Variants in ADGRL4 observed in about 807,000 individuals in gnomAD.
ADGRL4 encodes the protein EGF, latrophilin and seven transmembrane domain containing 1.
ADGRL4 carries 90 observed loss-of-function variants against 74.8 expected under a neutral mutation model. The observed-to-expected ratio is 1.20, with a 90% CI of 1.02 to 1.43. ADGRL4 has a LOEUF of 1.43. ADGRL4 is among the 40% of genes most tolerant of loss of function. The pLI is 0.00. For synonymous variants in ADGRL4, 311 were observed against 279.2 expected (o/e 1.11, Z -1.14); for missense variants, 881 against 814.3 (o/e 1.08, Z -1.00).
At chr1:78,988,641 C>G (rs141454545) in intron 2 of ADGRL4, among the ~76,000 whole-genome samples, 70 of 151,886 alleles carry the variant, frequency 4.6e-4, no homozygotes, top group Non-Finnish European at 8.3e-4. Context: ...TTCCAGTCAT[C>G]CCTCTCAACC....
intron 1 of ADGRL4, among the ~76,000 whole-genome samples, chr1:79,006,399 G>T (rs1224944662): frequency 6.6e-6 from 1 of 152,188 alleles, no homozygotes; most frequent in East Asian, 1.9e-4. Context: ...GAAAGGGGAT[G>T]CTGGACACTT....
At chr1:78,957,213 A>G (rs1649854539) in intron 2 of ADGRL4, among the ~76,000 whole-genome samples, 1 of 152,142 alleles carries the variant, frequency 6.6e-6, no homozygotes, top group African/African-American at 2.4e-5. Flanking sequence ...CAATAATACT[A>G]AAATTAGGCC....
intron 3 of ADGRL4, among the ~76,000 whole-genome samples, chr1:78,944,145 G>T (rs962374586): frequency 8.5e-5 from 13 of 152,242 alleles, no homozygotes; most frequent in Admixed American, 2.0e-4. Context: ...AACATGAACC[G>T]AGAAATGTAG....
At chr1:78,971,010 C>G (rs115025938) in intron 2 of ADGRL4, among the ~76,000 whole-genome samples, 2,406 of 152,248 alleles carry the variant, frequency 0.016, 78 homozygotes, top group African/African-American at 0.055. Flanking sequence ...CATCCTTACC[C>G]CTCCCCTTGT....
chr1:78,894,985 T>C (rs1253506821), intron 12 of ADGRL4, among the ~76,000 whole-genome samples: 2 of 152,094 alleles, frequency 1.3e-5, no homozygotes, highest in East Asian at 3.9e-4. Context: ...CTACATCACA[T>C]GCTGAACTAG....
At chr1:78,953,498 G>A (rs976084470) in intron 2 of ADGRL4, among the ~76,000 whole-genome samples, 2 of 152,122 alleles carry the variant, frequency 1.3e-5, no homozygotes, top group Non-Finnish European at 2.9e-5. Context: ...AGACAATAGA[G>A]TAACACGTTA....
intron 2 of ADGRL4, among the ~76,000 whole-genome samples, chr1:78,976,287 G>A (rs1338262642): frequency 2.6e-5 from 4 of 151,950 alleles, no homozygotes; most frequent in Admixed American, 1.3e-4. Flanking sequence ...GCATAATAGT[G>A]AGCAATATCT....
rs192624287 is a variant in ADGRL4, at chr1:78,920,287, T to C, written c.1357A>G (p.Ser453Gly). The C allele has an allele frequency of 1.7e-4, 273 of 1,611,776 alleles. No homozygotes were observed. The highest frequency in any genetic ancestry group is 2.2e-4 in the Non-Finnish European group (254 of 1,178,602). Residue 453 changes from serine (S) to glycine (G), a missense_variant, in exon 10 of 15, where the codon AGT becomes GGT. Ser to Gly is a moderately conservative substitution (Grantham distance 56). Transcript: ENST00000370742. ...GTTGTCCTGGTGCTTTGAATTTCAC[T>C]GAAGAACCAGAAGGTAAAAATGCAT... ...AICIFTFWFF[S>G]EIQSTRTTIH...
At chr1:78,960,013 T>C (rs930731177) in intron 2 of ADGRL4, among the ~76,000 whole-genome samples, 7 of 152,170 alleles carry the variant, frequency 4.6e-5, no homozygotes, top group Non-Finnish European at 8.8e-5. Flanking sequence ...CAAAATAACA[T>C]TTTGAAGAAT....
chr1:78,941,096 C>T (rs1570243596), intron 3 of ADGRL4, among the ~76,000 whole-genome samples: 1 of 152,158 alleles, frequency 6.6e-6, no homozygotes, highest in South Asian at 2.1e-4. Flanking sequence ...GCACCCTCAC[C>T]CCTCATCCTC....
intron 2 of ADGRL4, among the ~76,000 whole-genome samples, chr1:79,001,448 AAAAC>A (rs1650843072): frequency 6.6e-6 from 1 of 152,064 alleles, no homozygotes; most frequent in African/African-American, 2.4e-5. Flanking sequence ...GAAAGAAAGA[AAAAC>A]AAAATATTTA....
rs1649699155 is a variant in ADGRL4, at chr1:78,950,402, A to T, written c.173-3976T>A. Reference sequence around the variant, plus strand: ...GAAACCGAGAAAACGCTTGCCAAGAATTTGGAATTATATCCAGTGGGTAAA... The same window carrying T: ...GAAACCGAGAAAACGCTTGCCAAGATTTTGGAATTATATCCAGTGGGTAAA... On this transcript the variant is annotated intron_variant, in intron 2 of 14. Coordinates refer to ENST00000370742, the MANE Select transcript of ADGRL4 (RefSeq NM_022159.4). Among the ~76,000 whole-genome samples the T allele has an allele frequency of 2.0e-5, 3 of 152,128 alleles. No individual in the cohort carries two copies. The South Asian group carries it at 6.2e-4, about 32-fold the overall frequency.
chr1:78,923,446 A>C (rs1649043017), intron 8 of ADGRL4, among the ~76,000 whole-genome samples: 1 of 152,032 alleles, frequency 6.6e-6, no homozygotes, highest in African/African-American at 2.4e-5. Context: ...CTGCCTGATG[A>C]AAACTCTAGT....
chr1:78,998,362 CTTTTTTT>C lies in ADGRL4; in HGVS notation c.172+6701_172+6707del, dbSNP rs71078519. On this transcript the variant is annotated intron_variant, in intron 2 of 14. Coordinates refer to ENST00000370742, the MANE Select transcript of ADGRL4 (RefSeq NM_022159.4). ...CAAGATATTAAAACTTCCACTGATTCTTTTTTTTTTTTTTTTTTTTTTTTTTGAGACA... is the reference window on the plus strand; with the variant it reads ...CAAGATATTAAAACTTCCACTGATTCTTTTTTTTTTTTTTTTTTTGAGACA... Among the ~76,000 whole-genome samples, 10 of 65,048 alleles carry C rather than the reference CTTTTTTT, an allele frequency of 1.5e-4. 1 individual carries two copies. The highest frequency in any genetic ancestry group is 1.0e-3 in the Admixed American group (4 of 3,946). 42.7% of individuals were successfully genotyped at this position (65,048 alleles called of 152,430 possible).
At chr1:78,995,567 G>T (rs895425463) in intron 2 of ADGRL4, among the ~76,000 whole-genome samples, 9 of 152,184 alleles carry the variant, frequency 5.9e-5, no homozygotes, top group Admixed American at 1.3e-4. Context: ...TAATAAAGTG[G>T]AAAGGGCACT....
chr1:78,981,497 G>C (rs374629475), intron 2 of ADGRL4, among the ~76,000 whole-genome samples: 4 of 151,910 alleles, frequency 2.6e-5, no homozygotes, highest in African/African-American at 7.2e-5. Flanking sequence ...CTACCTCATA[G>C]GGTTGATGAA....
rs142511347 is a variant in ADGRL4 at position 78,917,044 on chromosome 1, T to C, written c.1749+590A>G. On this transcript the variant is annotated intron_variant, in intron 12 of 14. Coordinates refer to ENST00000370742, the MANE Select transcript of ADGRL4 (RefSeq NM_022159.4). ...ATGCTGAAATAGGACTATCTCAATA[T>C]ATGACTTGTCTGTTCATGAGAAATA... is the stretch of plus-strand genomic sequence containing the variant. 3.0e-3 allele frequency among the ~76,000 whole-genome samples: 459 copies of C among 151,996 alleles called. 4 individuals carry two copies. The highest frequency in any genetic ancestry group is 0.011 in the African/African-American group (443 of 41,534).
chr1:78,893,189 C>T lies in ADGRL4; in HGVS notation c.1750G>A (p.Val584Ile). Residue 584 changes from valine to isoleucine, a missense_variant and splice_region_variant, in exon 13 of 15, where the codon GTT (valine) becomes ATT (isoleucine). Coordinates refer to ENST00000370742, the MANE Select transcript of ADGRL4 (RefSeq NM_022159.4). ...ATGACTCCAAAAGCCAAGAGATTAA[C>T]CTGGAAAAAGAATTAATTTCAAAGA... ...FIGPACLIILVNLLAFGVIIY... is the reference protein window; with the variant it reads ...FIGPACLIILINLLAFGVIIY... The T allele has an allele frequency of 6.3e-7, 1 of 1,582,322 alleles. No homozygotes were observed. The highest frequency in any genetic ancestry group is 8.6e-7 in the Non-Finnish European group (1 of 1,160,638).
intron 12 of ADGRL4, among the ~76,000 whole-genome samples, chr1:78,895,173 CAT>C (rs567685333): frequency 6.9e-4 from 105 of 152,072 alleles, no homozygotes; most frequent in Admixed American, 1.1e-3. Flanking sequence ...CAGATTAAAA[CAT>C]GTTTATCAAA....
Sources: gnomAD v4.1 joint callset for allele counts (sites outside exome capture counted in the v4.1 genomes callset) on GRCh38, gnomAD v4.1.1 for gene constraint, MANE v1.5 for transcripts, NCBI Gene and HGNC (gene_info 2026-07-23, HGNC 2026-07-21) for gene names.